Variants in OPCML observed in about 807,000 individuals in gnomAD.
OPCML encodes opioid-binding protein/cell adhesion molecule.
OPCML carries 13 observed loss-of-function variants against 37.8 expected under a neutral mutation model. That is an observed-to-expected ratio of 0.34 (90% CI 0.22 to 0.55). OPCML has a LOEUF of 0.55. OPCML is among the 20% of genes least tolerant of loss of function. OPCML has a pLI of 0.91. For missense variants in OPCML, 341 were observed against 435.6 expected (o/e 0.78, Z 1.93); for synonymous variants, 176 against 168.8 (o/e 1.04, Z -0.33).
intron 3 of OPCML, among the ~76,000 whole-genome samples, chr11:132,539,145 T>G (rs774209853): frequency 6.6e-6 from 1 of 152,160 alleles, no homozygotes; most frequent in Non-Finnish European, 1.5e-5. Context: ...GCTTAGTGTA[T>G]AGAGGAGAAC....
chr11:133,517,373 A>C (rs1487504600), intron 1 of OPCML, among the ~76,000 whole-genome samples: 1 of 152,266 alleles, frequency 6.6e-6, no homozygotes, highest in East Asian at 1.9e-4. Flanking sequence ...TAAAAACCAC[A>C]GGAGCTCATA....
At chr11:133,295,584 A>AT (rs994607174) in intron 1 of OPCML, among the ~76,000 whole-genome samples, 1 of 152,172 alleles carries the variant, frequency 6.6e-6, no homozygotes, top group African/African-American at 2.4e-5. Context: ...CTGGGTTATT[A>AT]TTTTTTTCAA....
At chr11:132,653,560 C>T (rs1941544637) in intron 3 of OPCML, among the ~76,000 whole-genome samples, 1 of 152,216 alleles carries the variant, frequency 6.6e-6, no homozygotes, top group African/African-American at 2.4e-5. Context: ...TGCTGATCCC[C>T]TCAGTGGCTG....
Position 132,574,827 on chromosome 11 carries a change from A to G in OPCML, c.380-45641T>C, listed in dbSNP as rs894983204. Reference sequence around the variant, plus strand: ...GTTTCCTTATTGATCTTCTGCCTAGAGTTCTGTCCGGCATCAAAAGTGGAG... The same window carrying G: ...GTTTCCTTATTGATCTTCTGCCTAGGGTTCTGTCCGGCATCAAAAGTGGAG... On this transcript the variant is annotated intron_variant, in intron 3 of 7. Transcript: ENST00000524381. Among the ~76,000 whole-genome samples, 3 of 151,864 alleles carry G rather than the reference A, an allele frequency of 2.0e-5. No homozygotes were observed. The South Asian group carries it at 6.2e-4, about 31-fold the overall frequency.
At chr11:133,377,610 C>CAAAAAAAAAAA (rs1219933910) in intron 1 of OPCML, among the ~76,000 whole-genome samples, 1 of 17,168 alleles carries the variant, frequency 5.8e-5, no homozygotes. Flanking sequence ...TGCCAGTATT[C>CAAAAAAAAAAA]AGAAAAAAAA....
chr11:132,943,004 G>C lies in OPCML; in HGVS notation c.68C>G (p.Pro23Arg). Residue 23 changes from proline (P) to arginine (R), a missense_variant, in exon 2 of 8, where the codon CCC (proline) becomes CGC (arginine). Physicochemically the swap from Pro to Arg is moderately radical, Grantham distance 103. Coordinates refer to ENST00000524381, the MANE Select transcript of OPCML (RefSeq NM_001012393.5). This position sits in a 1 kb window ranked among gnomAD's most constrained non-coding sequence, Gnocchi z 4.3. The part of the protein sequence containing the change: ...TTALLFIPGV[P>R]VRSGDATFPK... ...GAAGGTGGCATCTCCGCTGCGCACG[G>C]GCACTCCTGTGGGTACAAGGAACAG... 1 of 1,614,146 alleles carries C rather than the reference G, an allele frequency of 6.2e-7. No homozygotes were observed. The highest frequency in any genetic ancestry group is 8.5e-7 in the Non-Finnish European group (1 of 1,180,008).
At position 132,567,589 on chromosome 11, in the gene OPCML, G is replaced by A. The variant is rs117861611; in HGVS notation, c.380-38403C>T. The stretch of plus-strand genomic sequence containing the variant: ...ATATCATAAAGCTATTATATTGCTC[G>A]GGCAGGGGGAGGCAAGGTCATAAAA... On this transcript the variant is annotated intron_variant, in intron 3 of 7. Coordinates refer to ENST00000524381, the MANE Select transcript of OPCML (RefSeq NM_001012393.5). Among the ~76,000 whole-genome samples, 303 of 152,222 alleles carry A rather than the reference G, an allele frequency of 2.0e-3. 1 individual carries two copies. Among genetic ancestry groups the A allele is most frequent in the Non-Finnish European group, 3.6e-3 (247 of 68,016 alleles).
chr11:132,883,708 T>C (rs548512142), intron 2 of OPCML, among the ~76,000 whole-genome samples: 1 of 152,294 alleles, frequency 6.6e-6, no homozygotes, highest in South Asian at 2.1e-4. Context: ...CAACTGTATT[T>C]CTAGTATTTA....
intron 2 of OPCML, among the ~76,000 whole-genome samples, chr11:132,827,880 C>T (rs1174324713): frequency 6.6e-6 from 1 of 151,990 alleles, no homozygotes; most frequent in Non-Finnish European, 1.5e-5. Context: ...ATCTGCCCGC[C>T]TCGGCCTCCC....
At chr11:132,722,307 C>T (rs1944703201) in intron 2 of OPCML, among the ~76,000 whole-genome samples, 1 of 151,588 alleles carries the variant, frequency 6.6e-6, no homozygotes, top group Non-Finnish European at 1.5e-5. Flanking sequence ...CACACCACAT[C>T]CATTTTATAA....
At chr11:132,966,705 AT>A (rs1312787001) in intron 1 of OPCML, among the ~76,000 whole-genome samples, 1 of 151,974 alleles carries the variant, frequency 6.6e-6, no homozygotes, top group Admixed American at 6.6e-5. Flanking sequence ...TTAAATCAAT[AT>A]TTGCTTGGTA....
intron 2 of OPCML, among the ~76,000 whole-genome samples, chr11:132,741,542 G>A (rs924033526): frequency 1.3e-5 from 2 of 151,876 alleles, no homozygotes; most frequent in African/African-American, 2.4e-5. Context: ...ATTAAATGAG[G>A]CAATAAGTAA....
intron 2 of OPCML, among the ~76,000 whole-genome samples, chr11:132,934,833 T>C (rs1945319226): frequency 6.6e-6 from 1 of 152,044 alleles, no homozygotes; most frequent in Non-Finnish European, 1.5e-5. Context: ...GACAAATGCA[T>C]ACAGGAATCA....
At chr11:132,677,119 G>A (rs1942745528) in intron 2 of OPCML, among the ~76,000 whole-genome samples, 1 of 151,966 alleles carries the variant, frequency 6.6e-6, no homozygotes, top group African/African-American at 2.4e-5. Flanking sequence ...AATATGTGGA[G>A]ACTGAAATTA....
intron 3 of OPCML, among the ~76,000 whole-genome samples, chr11:132,556,027 C>T (rs906366718): frequency 3.3e-5 from 5 of 152,092 alleles, no homozygotes; most frequent in African/African-American, 1.2e-4. Context: ...CAGCCTCGAC[C>T]TCCTGGGCTC....
chr11:133,525,130 TCA>T (rs1372755864), intron 1 of OPCML, among the ~76,000 whole-genome samples: 1 of 152,182 alleles, frequency 6.6e-6, no homozygotes, highest in Non-Finnish European at 1.5e-5. Flanking sequence ...ATACATGGAC[TCA>T]CAGTTTTAGA....
At chr11:133,059,754 A>C (rs1201947199) in intron 1 of OPCML, among the ~76,000 whole-genome samples, 1 of 152,218 alleles carries the variant, frequency 6.6e-6, no homozygotes, top group Non-Finnish European at 1.5e-5. Flanking sequence ...CACTGTTTTC[A>C]TGGAGCACAA....
At chr11:132,607,716 A>G (rs775491817) in intron 3 of OPCML, among the ~76,000 whole-genome samples, 13 of 152,322 alleles carry the variant, frequency 8.5e-5, no homozygotes, top group Non-Finnish European at 1.2e-4. Flanking sequence ...TGTCTCATCT[A>G]AGTTTCACTT....
At chr11:133,094,160 C>T (rs1427761735) in intron 1 of OPCML, among the ~76,000 whole-genome samples, 7 of 151,932 alleles carry the variant, frequency 4.6e-5, no homozygotes, top group South Asian at 2.1e-4. Flanking sequence ...CTGAGTGATG[C>T]GAGAGTAGCT....
Sources: allele counts gnomAD v4.1 joint callset (sites outside exome capture counted in the v4.1 genomes callset), GRCh38; gene constraint gnomAD v4.1.1; non-coding constraint Gnocchi (gnomAD v3.1); transcripts MANE v1.5; gene names NCBI Gene and HGNC (gene_info 2026-07-23, HGNC 2026-07-21).